Variants in SMC3 observed in about 807,000 individuals in gnomAD.
SMC3 encodes structural maintenance of chromosomes 3.
A neutral mutation model predicts 171.8 loss-of-function variants in SMC3; 20 were observed. The ratio of observed to expected loss-of-function variants is 0.12; its 90% confidence interval spans 0.08 to 0.17. The LOEUF (loss-of-function observed/expected upper bound fraction) is 0.17, where lower values mean the gene tolerates loss of function less well. Ranked by LOEUF, SMC3 falls within the 10% of genes least tolerant of loss-of-function variation. SMC3 has a pLI of 1.00. For missense variants in SMC3, 543 were observed against 1,420.4 expected (o/e 0.38, Z 9.93); for synonymous variants, 464 against 451.1 (o/e 1.03, Z -0.36).
rs116332240 is a variant in SMC3, at chr10:110,574,732, G to A, written c.131-604G>A. On this transcript the variant is annotated intron_variant, in intron 3 of 28. Transcript: ENST00000361804. Reference sequence around the variant, plus strand: ...GCCAGAGGTCTCTTGGGTGGACTGGGACAAGAACAGCTGAGTAAAGAGTTC... The same window carrying A: ...GCCAGAGGTCTCTTGGGTGGACTGGAACAAGAACAGCTGAGTAAAGAGTTC... Among the ~76,000 whole-genome samples, 958 of 152,298 alleles carry A rather than the reference G, an allele frequency of 6.3e-3. 17 individuals are homozygous for A. The highest frequency in any genetic ancestry group is 0.022 in the African/African-American group (926 of 41,552).
At chr10:110,594,022 T>C (rs959110074) in intron 18 of SMC3, among the ~76,000 whole-genome samples, 2 of 152,150 alleles carry the variant, frequency 1.3e-5, no homozygotes, top group East Asian at 1.9e-4. Flanking sequence ...AATTATTTTA[T>C]AGTTTTTTAA....
At chr10:110,582,692 A>G in intron 10 of SMC3, 50 bp downstream of exon 10, 5 of 1,395,640 alleles carry the variant, frequency 3.6e-6, no homozygotes, top group Non-Finnish European at 5.1e-6. Flanking sequence ...CTTTTGAGAC[A>G]GGGTCTTGTT....
chr10:110,590,483 T>C lies in SMC3; in HGVS notation c.1581T>C (p.His527=), dbSNP rs182445355. 5.5e-5 allele frequency: 89 copies of C among 1,613,974 alleles called. 1 individual carries two copies. In the East Asian group the frequency reaches 1.8e-3, roughly 34 times the overall value. The change falls in exon 16 of 29, where the codon CAT becomes CAC. Residue 527 remains histidine (H), a synonymous_variant. Coordinates refer to ENST00000361804, the MANE Select transcript of SMC3 (RefSeq NM_005445.4). ...TCCGTCGAAAAGGAATAAACCAGCA[T>C]GTTCAAAATGGCTATCATGGTATTG... The part of the protein sequence containing the change: ...DHFRRKGINQ[H]VQNGYHGIVM...
chr10:110,571,987 G>C (rs1385544376), intron 2 of SMC3, among the ~76,000 whole-genome samples: 6 of 152,094 alleles, frequency 3.9e-5, no homozygotes, highest in Non-Finnish European at 5.9e-5. Context: ...GTTATTTATA[G>C]ATGGATTGTG....
intron 13 of SMC3, among the ~76,000 whole-genome samples, chr10:110,589,186 G>A (rs559239475): frequency 2.0e-5 from 3 of 151,968 alleles, no homozygotes; most frequent in Admixed American, 6.6e-5. Context: ...TCAGGAGATC[G>A]AGACCATCCT....
intron 28 of SMC3, 23 bp from the exon 29 acceptor site, chr10:110,604,208 T>C: frequency 6.5e-7 from 1 of 1,547,788 alleles, no homozygotes; most frequent in Middle Eastern, 1.9e-4. Context: ...AACAGATTTT[T>C]GTTTTTAACA....
Position 110,599,205 on chromosome 10 carries a change from C to A in SMC3, c.2269-449C>A, listed in dbSNP as rs190228649. Among the ~76,000 whole-genome samples, 4 of 152,256 alleles carry A rather than the reference C, an allele frequency of 2.6e-5. No individual in the cohort carries two copies. In the East Asian group the frequency reaches 7.7e-4, roughly 29 times the overall value. On this transcript the variant is annotated intron_variant, in intron 20 of 28. Coordinates refer to ENST00000361804, the MANE Select transcript of SMC3 (RefSeq NM_005445.4). ...CTCCACTTCCTGGGTTCAAGCAATT[C>A]TCCTGCCTCGGCCTCCAGAGTAGCT...
Position 110,601,981 on chromosome 10 carries a change from G to T in SMC3, c.2908G>T (p.Glu970Ter). The change falls in exon 25 of 29, where the codon GAG becomes TAG. Residue 970 changes from glutamate (E) to a stop codon, truncating the protein, a stop_gained. Transcript: ENST00000361804. LOFTEE classifies it high-confidence loss of function. The part of the protein sequence containing the change: ...LSLKQLFRKL[E>*]QCNTELKKYS... The stretch of plus-strand genomic sequence containing the variant: ...CTCTTTATAGTTGTTTCGAAAACTT[G>T]AGCAGTGCAACACAGAATTAAAGAA... 2 of 1,613,252 alleles carry T rather than the reference G, an allele frequency of 1.2e-6. No homozygotes were observed. The highest frequency in any genetic ancestry group is 2.2e-5 in the South Asian group (2 of 90,980).
chr10:110,587,832 T>A (rs74743872), intron 13 of SMC3, among the ~76,000 whole-genome samples: 1 of 152,242 alleles, frequency 6.6e-6, no homozygotes, highest in Non-Finnish European at 1.5e-5. Flanking sequence ...TTAGCATGTG[T>A]TCAGATAGCC....
At chr10:110,580,447 A>G (rs1861014681) in intron 7 of SMC3, among the ~76,000 whole-genome samples, 1 of 152,246 alleles carries the variant, frequency 6.6e-6, no homozygotes, top group Non-Finnish European at 1.5e-5. Context: ...AGCCCTATTC[A>G]TAAAGGAGAG....
chr10:110,583,769 G>A, intron 11 of SMC3, 72 bp from the exon 12 acceptor site: 1 of 1,538,024 alleles, frequency 6.5e-7, no homozygotes, highest in Non-Finnish European at 8.9e-7. Context: ...TTTTTTTCCT[G>A]AGAAAACATT....
chr10:110,600,902 G>A, intron 22 of SMC3, 120 bp from the exon 23 acceptor site: 1 of 727,282 alleles, frequency 1.4e-6, no homozygotes, highest in Non-Finnish European at 2.4e-6. Flanking sequence ...CTAAGTATTT[G>A]TAATTATATG....
intron 18 of SMC3, among the ~76,000 whole-genome samples, chr10:110,594,361 GA>G (rs1270669455): frequency 6.6e-6 from 1 of 151,900 alleles, no homozygotes; most frequent in Non-Finnish European, 1.5e-5. Flanking sequence ...CAAAAAACAA[GA>G]TAGTAGTGGG....
rs545383107 is a variant in SMC3 at position 110,601,078 on chromosome 10, A to G, written c.2592A>G (p.Ser864=). The G allele has an allele frequency of 1.6e-5, 26 of 1,613,746 alleles. No homozygotes were observed. The East Asian group carries it at 5.6e-4, about 35-fold the overall frequency. Residue 864 remains serine (S), a synonymous_variant, in exon 23 of 29, where the codon TCA becomes TCG. Transcript: ENST00000361804. ...GTACTGTTCTCACAGCCACAACATC[A>G]GAACTTGAAGCCATCAATAAAAGAG... ...EGGTVLTATT[S]ELEAINKRVK...
intron 23 of SMC3, 67 bp from the exon 24 acceptor site, chr10:110,601,570 T>G (rs1382229610): frequency 7.9e-6 from 12 of 1,519,674 alleles, no homozygotes; most frequent in African/African-American, 2.8e-5. Flanking sequence ...ATCATAAAAA[T>G]CTATACTCAA....
In SMC3 at chr10:110,584,195, T is replaced by A; in HGVS notation, c.1104T>A (p.Ala368=). Reference sequence around the variant, plus strand: ...CTATTTTGTGTAGATTGGCTCAAGCTACCCAGGAAAGAACGGATCTTTATG... The same window carrying A: ...CTATTTTGTGTAGATTGGCTCAAGCAACCCAGGAAAGAACGGATCTTTATG... ...EERGIARLAQ[A]TQERTDLYAK... is the part of the protein sequence containing the mutation. Residue 368 remains alanine, a synonymous_variant, in exon 13 of 29, where the codon GCT becomes GCA. Transcript: ENST00000361804. The A allele has an allele frequency of 6.2e-7, 1 of 1,613,824 alleles. No homozygotes were observed. Among genetic ancestry groups the A allele is most frequent in the South Asian group, 1.1e-5 (1 of 91,066 alleles).
In SMC3 at chr10:110,599,722, AGAACTGG is replaced by A; in HGVS notation, c.2344_2350del (p.Gly782IlefsTer6). The A allele has an allele frequency of 6.2e-7, 1 of 1,614,188 alleles. No individual in the cohort carries two copies. Among genetic ancestry groups the A allele is most frequent in the Non-Finnish European group, 8.5e-7 (1 of 1,180,016 alleles). The stretch of plus-strand genomic sequence containing the variant: ...AGTCTACCAGAGAGTCATTGAAAGC[AGAACTGG>A]GAACTGATTTGCTTTCTCAACTGAG... On this transcript the variant is annotated frameshift_variant, in exon 21 of 29. Coordinates refer to ENST00000361804, the MANE Select transcript of SMC3 (RefSeq NM_005445.4). LOFTEE classifies it high-confidence loss of function.
In SMC3 at chr10:110,601,002, A is replaced by G. The variant is rs1199226392; in HGVS notation, c.2536-20A>G. The G allele has an allele frequency of 6.4e-7, 1 of 1,569,580 alleles. No individual in the cohort carries two copies. Among genetic ancestry groups the G allele is most frequent in the Admixed American group, 1.7e-5 (1 of 59,934 alleles). ...AGTCATAACATTTGAAACTAATGGA[A>G]TTTGTATTTTTTGTTACAGGAACTT... On this transcript the variant is annotated intron_variant, in intron 22 of 28. Coordinates refer to ENST00000361804, the MANE Select transcript of SMC3 (RefSeq NM_005445.4).
intron 7 of SMC3, among the ~76,000 whole-genome samples, chr10:110,579,999 A>AT (rs1478051874): frequency 1.3e-5 from 2 of 152,210 alleles, no homozygotes; most frequent in Non-Finnish European, 2.9e-5. Flanking sequence ...TAGGTTCCAC[A>AT]TCTGCAAGTT....
Sources: allele counts gnomAD v4.1 joint callset (sites outside exome capture counted in the v4.1 genomes callset), GRCh38; gene constraint gnomAD v4.1.1; transcripts MANE v1.5; gene names NCBI Gene and HGNC (gene_info 2026-07-23, HGNC 2026-07-21).